KDM4C: variants seen among roughly 807,000 people sequenced by gnomAD.
KDM4C encodes lysine-specific demethylase 4C.
In KDM4C, 81 loss-of-function variants were observed where a neutral mutation model predicts 129.3. The observed-to-expected ratio is 0.63, with a 90% CI of 0.52 to 0.75. The LOEUF (loss-of-function observed/expected upper bound fraction) is 0.75, where lower values mean the gene tolerates loss of function less well. KDM4C is among the 30% of genes least tolerant of loss of function. The probability of loss-of-function intolerance (pLI) is 0.00; values close to 1 mark genes in which losing one functional copy is unlikely to be tolerated. For synonymous variants in KDM4C, 573 were observed against 456.1 expected (o/e 1.26, Z -3.26); for missense variants, 1,457 against 1,304.0 (o/e 1.12, Z -1.81).
At chr9:6,733,524 C>A (rs538126501) in intron 1 of KDM4C, among the ~76,000 whole-genome samples, 1 of 152,288 alleles carries the variant, frequency 6.6e-6, no homozygotes, top group South Asian at 2.1e-4. Flanking sequence ...TAACTTCTTG[C>A]GTTTGGCTTT....
intron 15 of KDM4C, among the ~76,000 whole-genome samples, chr9:7,025,278 A>G (rs1825620708): frequency 6.6e-6 from 1 of 152,130 alleles, no homozygotes; most frequent in Non-Finnish European, 1.5e-5. Flanking sequence ...TTTCTTGTAG[A>G]CAACAGATAA....
intron 3 of KDM4C, among the ~76,000 whole-genome samples, chr9:6,807,400 C>T (rs1237033241): frequency 7.0e-6 from 1 of 143,712 alleles, no homozygotes; most frequent in Non-Finnish European, 1.5e-5. Flanking sequence ...AAGTGAGGAG[C>T]GTCTCCGCCC....
At chr9:7,012,169 C>T (rs1241919491) in intron 13 of KDM4C, among the ~76,000 whole-genome samples, 2 of 152,138 alleles carry the variant, frequency 1.3e-5, no homozygotes, top group African/African-American at 4.8e-5. Context: ...CTGGCTCAGG[C>T]GATCCCTCTG....
At chr9:6,862,807 A>AAAACAAACAAAC (rs367828705) in intron 5 of KDM4C, among the ~76,000 whole-genome samples, 2,670 of 150,772 alleles carry the variant, frequency 0.018, 33 homozygotes, top group South Asian at 0.034. Context: ...ACTTTGTCTC[A>AAAACAAACAAAC]AAACAAACAA....
intron 1 of KDM4C, among the ~76,000 whole-genome samples, chr9:6,770,710 C>CTTT (rs60353218): frequency 0.091 from 7,200 of 79,076 alleles, 376 homozygotes; most frequent in Non-Finnish European, 0.15. Context: ...TTTTCAACGT[C>CTTT]TTTTTTTTTT....
At chr9:6,966,412 C>T (rs571877601) in intron 8 of KDM4C, among the ~76,000 whole-genome samples, 381 of 152,208 alleles carry the variant, frequency 2.5e-3, no homozygotes, top group South Asian at 4.8e-3. Flanking sequence ...CCTCGTGATC[C>T]GCCCGCCTCT....
chr9:6,776,752 C>G (rs1340079878), intron 1 of KDM4C, among the ~76,000 whole-genome samples: 1 of 151,912 alleles, frequency 6.6e-6, no homozygotes, highest in African/African-American at 2.4e-5. Context: ...TAGGCACATA[C>G]CACCACGCCC....
chr9:6,967,296 C>T (rs373490240), intron 8 of KDM4C, among the ~76,000 whole-genome samples: 12 of 151,794 alleles, frequency 7.9e-5, no homozygotes, highest in Non-Finnish European at 1.6e-4. Context: ...TGGTGGCAGG[C>T]GCCTGTAATC....
intron 17 of KDM4C, among the ~76,000 whole-genome samples, chr9:7,085,713 T>TCATAGGA (rs748368827): frequency 1.1e-4 from 16 of 152,224 alleles, no homozygotes; most frequent in Non-Finnish European, 2.1e-4. Flanking sequence ...CTTCTCAGAC[T>TCATAGGA]GCGTGGTGGG....
intron 4 of KDM4C, among the ~76,000 whole-genome samples, chr9:6,830,831 T>TA (rs1323444495): frequency 6.6e-6 from 1 of 152,208 alleles, no homozygotes; most frequent in Non-Finnish European, 1.5e-5. Context: ...GAGAGTGTGT[T>TA]AAATCTGACA....
intron 17 of KDM4C, among the ~76,000 whole-genome samples, chr9:7,086,367 T>G (rs118067765): frequency 0.017 from 2,650 of 152,336 alleles, 28 homozygotes; most frequent in Non-Finnish European, 0.028. Flanking sequence ...GAATAGTTAT[T>G]ACTCTGTTGA....
Position 7,065,994 on chromosome 9 carries a change from T to TAA in KDM4C, c.2424+16809_2424+16810dup, listed in dbSNP as rs35817401. Among the ~76,000 whole-genome samples the TAA allele has an allele frequency of 4.0e-3, 572 of 144,156 alleles. 6 individuals carry two copies. Among genetic ancestry groups the TAA allele is most frequent in the African/African-American group, 0.013 (519 of 39,162 alleles). 94.6% of individuals were successfully genotyped at this position (144,156 alleles called of 152,430 possible). A position where few individuals can be genotyped will look rare whatever the true frequency, so the allele number is the denominator to read the frequency against. On this transcript the variant is annotated intron_variant, in intron 17 of 21. Coordinates refer to ENST00000381309, the MANE Select transcript of KDM4C (RefSeq NM_015061.6). ...GCGGACAATGGAGGGGTAACAGCTTTAAAAAAAAAAAAAAAACTGTAATTG... is the reference window on the plus strand; with the variant it reads ...GCGGACAATGGAGGGGTAACAGCTTTAAAAAAAAAAAAAAAAAACTGTAATTG...
At chr9:7,153,025 T>C (rs1002108940) in intron 19 of KDM4C, among the ~76,000 whole-genome samples, 24 of 152,220 alleles carry the variant, frequency 1.6e-4, no homozygotes, top group African/African-American at 5.8e-4. Flanking sequence ...TTTAAAATTT[T>C]TTCCTATCTT....
chr9:6,761,251 C>T (rs557184597), intron 1 of KDM4C, among the ~76,000 whole-genome samples: 190 of 151,700 alleles, frequency 1.3e-3, no homozygotes, highest in Non-Finnish European at 2.1e-3. Flanking sequence ...TCAGGTGATC[C>T]GCCCACCTTG....
At chr9:6,994,408 A>T (rs1819317316) in intron 12 of KDM4C, among the ~76,000 whole-genome samples, 1 of 151,576 alleles carries the variant, frequency 6.6e-6, no homozygotes, top group South Asian at 2.1e-4. Context: ...CCTTGTCACC[A>T]CTCACCTCTC....
At chr9:6,816,208 G>T (rs1832059115) in intron 4 of KDM4C, among the ~76,000 whole-genome samples, 1 of 152,068 alleles carries the variant, frequency 6.6e-6, no homozygotes, top group South Asian at 2.1e-4. Flanking sequence ...CATAATCCTT[G>T]CCTTAATTCC....
chr9:6,730,812 G>A (rs1346449174), intron 1 of KDM4C, among the ~76,000 whole-genome samples: 3 of 152,090 alleles, frequency 2.0e-5, no homozygotes, highest in Admixed American at 6.6e-5. Flanking sequence ...TTACAGCTCC[G>A]CGTTTGCCTT....
chr9:6,802,564 A>G (rs1829206605), intron 2 of KDM4C, among the ~76,000 whole-genome samples: 1 of 152,264 alleles, frequency 6.6e-6, no homozygotes, highest in Non-Finnish European at 1.5e-5. Flanking sequence ...TTTATAAGAC[A>G]AAATACTGAG....
rs1830158097 is a variant in KDM4C, at chr9:7,051,584, G to T, written c.2424+2384G>T. On this transcript the variant is annotated intron_variant, in intron 17 of 21. Transcript: ENST00000381309. ...GCCGGCAGGAAAGCAGAGTAGTTTT[G>T]TGTGGTATTTCATCCAGGCAAAAGT... 2.0e-5 allele frequency among the ~76,000 whole-genome samples: 3 copies of T among 152,246 alleles called. No individual in the cohort carries two copies. In the South Asian group the frequency reaches 6.2e-4, roughly 32 times the overall value.
Sources: allele counts gnomAD v4.1 joint callset (sites outside exome capture counted in the v4.1 genomes callset), GRCh38; gene constraint gnomAD v4.1.1; transcripts MANE v1.5; gene names NCBI Gene and HGNC (gene_info 2026-07-23, HGNC 2026-07-21).